Variants in LARP4B observed in about 807,000 individuals in gnomAD.
The protein encoded by LARP4B is La ribonucleoprotein 4B, also known as la-related protein 4B.
In LARP4B, 12 loss-of-function variants were observed where a neutral mutation model predicts 89.8. The ratio of observed to expected loss-of-function variants is 0.13; its 90% CI spans 0.09 to 0.22. LARP4B has a LOEUF of 0.22. Ranked by LOEUF, LARP4B falls within the 10% of genes least tolerant of loss-of-function variation. LARP4B has a pLI of 1.00. For missense variants in LARP4B, 757 were observed against 947.7 expected (o/e 0.80, Z 2.64); for synonymous variants, 367 against 363.3 (o/e 1.01, Z -0.12).
At chr10:945,909 C>G in the LARP4B span, among the ~76,000 whole-genome samples, 1 of 152,142 alleles carries the variant, frequency 6.6e-6, no homozygotes, top group Non-Finnish European at 1.5e-5. Context: ...GAAGACACTG[C>G]GAGAAGCTGC....
intron 7 of LARP4B, among the ~76,000 whole-genome samples, chr10:840,077 A>G (rs1360443074): frequency 6.6e-6 from 1 of 151,664 alleles, no homozygotes; most frequent in Non-Finnish European, 1.5e-5. Flanking sequence ...GCTAATCCGT[A>G]GTGACAGGAA....
chr10:820,756 AGATTTAAAT>A (rs775463451), intron 14 of LARP4B, 35 bp downstream of exon 14: 1 of 1,507,518 alleles, frequency 6.6e-7, no homozygotes, highest in South Asian at 1.2e-5. Context: ...GGTATAAATT[AGATTTAAAT>A]GTCTTGTGAA....
intron 1 of LARP4B, among the ~76,000 whole-genome samples, chr10:924,758 G>A (rs1837089429): frequency 6.6e-6 from 1 of 152,206 alleles, no homozygotes; most frequent in South Asian, 2.1e-4. Context: ...CTCCCATCCA[G>A]GCCGGATGTC....
At chr10:885,521 C>T (rs978949724) in intron 2 of LARP4B, 120 bp downstream of exon 2, 5 of 631,954 alleles carry the variant, frequency 7.9e-6, no homozygotes, top group Middle Eastern at 5.2e-4. Flanking sequence ...ACTCTAATAT[C>T]TGTATGCAGA....
At chr10:979,341 G>A in the LARP4B span, among the ~76,000 whole-genome samples, 1 of 152,172 alleles carries the variant, frequency 6.6e-6, no homozygotes, top group Non-Finnish European at 1.5e-5. Flanking sequence ...CTATGCCCCT[G>A]GAAGTTGACT....
At chr10:982,384 C>T in the LARP4B span, among the ~76,000 whole-genome samples, 1 of 152,128 alleles carries the variant, frequency 6.6e-6, no homozygotes, top group Non-Finnish European at 1.5e-5. Flanking sequence ...AGACACTGCG[C>T]CCAGCCTCAA....
At chr10:832,751 G>A (rs563300474) in intron 8 of LARP4B, among the ~76,000 whole-genome samples, 1 of 152,214 alleles carries the variant, frequency 6.6e-6, no homozygotes, top group South Asian at 2.1e-4. Context: ...GGTGAAATAA[G>A]ATTTTCCCAA....
the LARP4B span, among the ~76,000 whole-genome samples, chr10:980,420 CTG>C: frequency 2.6e-5 from 4 of 152,238 alleles, no homozygotes; most frequent in Non-Finnish European, 4.4e-5. Context: ...CAGAGGTTCT[CTG>C]TGAGGGCTCT....
chr10:986,023 T>G, the LARP4B span: 1 of 152,236 alleles, frequency 6.6e-6, no homozygotes, highest in Non-Finnish European at 1.5e-5. Context: ...ACGGGCCCAA[T>G]GGAGCACTCA....
At chr10:829,636 C>T (rs766731182) in intron 10 of LARP4B, 42 bp from the exon 11 acceptor site, 5 of 1,609,626 alleles carry the variant, frequency 3.1e-6, no homozygotes, top group Admixed American at 1.7e-5. Flanking sequence ...TACTTAAGAA[C>T]ATCAATTTGC....
downstream of LARP4B, chr10:807,562 C>T (rs1831601006): frequency 6.6e-6 from 1 of 152,420 alleles, no homozygotes; most frequent in African/African-American, 2.4e-5. Context: ...GGTGGAGCTG[C>T]TCACCCCGTG....
chr10:972,760 AG>A, the LARP4B span: 32 of 456,738 alleles, frequency 7.0e-5, no homozygotes, highest in South Asian at 5.0e-4. Context: ...GGCAGAGAAA[AG>A]TAGTTAGAAA....
At chr10:825,659 G>C in intron 12 of LARP4B, 105 bp downstream of exon 12, 1 of 726,380 alleles carries the variant, frequency 1.4e-6, no homozygotes, top group Admixed American at 2.5e-5. Flanking sequence ...GCTTCAGGTG[G>C]CTCTGTCTGC....
intron 5 of LARP4B, among the ~76,000 whole-genome samples, chr10:861,542 A>G (rs2131830830): frequency 6.6e-6 from 1 of 152,272 alleles, no homozygotes; most frequent in East Asian, 1.9e-4. Flanking sequence ...AAAAAGAATC[A>G]CCTTTTGAAA....
the LARP4B span, among the ~76,000 whole-genome samples, chr10:982,107 TC>T: frequency 5.5e-5 from 8 of 145,012 alleles, no homozygotes; most frequent in African/African-American, 7.6e-5. Flanking sequence ...TTTCTTTCTT[TC>T]TTTCTTTCTT....
chr10:976,015 G>A, the LARP4B span, among the ~76,000 whole-genome samples: 1 of 114,980 alleles, frequency 8.7e-6, no homozygotes, highest in African/African-American at 3.1e-5. Flanking sequence ...CAGCCTAGTA[G>A]AATGTAGGCC....
At chr10:963,048 T>C in the LARP4B span, among the ~76,000 whole-genome samples, 1 of 152,178 alleles carries the variant, frequency 6.6e-6, no homozygotes, top group Non-Finnish European at 1.5e-5. Context: ...CACTAAACTG[T>C]GCAGCAGTAG....
downstream of LARP4B, chr10:807,679 G>C (rs1831604971): frequency 6.6e-6 from 1 of 152,452 alleles, no homozygotes; most frequent in Non-Finnish European, 1.5e-5. Context: ...ACCAGGGCAG[G>C]GCTAAGCCTC....
rs1339159632 is a variant in LARP4B at position 822,674 on chromosome 10, G to A, written c.1485-1829C>T. On this transcript the variant is annotated intron_variant, in intron 13 of 17. Transcript: ENST00000316157. This position sits in a 1 kb window ranked among gnomAD's most constrained non-coding sequence, Gnocchi z 4.6. ...TTACAGCTCACAAGGGGTAGCAAGG[G>A]ACCCAGGGTGGTCCCAGCACCATAG... Among the ~76,000 whole-genome samples, 1 of 152,214 alleles carries A rather than the reference G, an allele frequency of 6.6e-6. No homozygotes were observed. Among genetic ancestry groups the A allele is most frequent in the Non-Finnish European group, 1.5e-5 (1 of 68,032 alleles).
Sources: allele counts gnomAD v4.1 joint callset (sites outside exome capture counted in the v4.1 genomes callset), GRCh38; gene constraint gnomAD v4.1.1; non-coding constraint Gnocchi (gnomAD v3.1); transcripts MANE v1.5; gene names NCBI Gene and HGNC (gene_info 2026-07-23, HGNC 2026-07-21).